The following VAMP7 variants were observed in gnomAD, a reference collection of about 807,000 sequenced individuals.
VAMP7 encodes the protein vesicle associated membrane protein 7, also known as vesicle-associated membrane protein 7.
VAMP7 carries 14 observed loss-of-function variants against 29.6 expected under a neutral mutation model. The ratio of observed to expected loss-of-function variants is 0.47; its 90% CI spans 0.31 to 0.74. The LOEUF (loss-of-function observed/expected upper bound fraction) is 0.74, where lower values mean the gene tolerates loss of function less well. VAMP7 is among the 30% of genes least tolerant of loss of function. The probability of loss-of-function intolerance (pLI) is 0.05; values close to 1 mark genes in which losing one functional copy is unlikely to be tolerated. For synonymous variants in VAMP7, 95 were observed against 88.1 expected, an observed-to-expected ratio of 1.08 and a Z score of -0.44; for missense variants, 223 against 262.4, an observed-to-expected ratio of 0.85 and a Z score of 1.04.
intron 2 of VAMP7, among the ~76,000 whole-genome samples, chrX:155,890,350 T>TTTTATTTATTTA (rs753165878): frequency 6.6e-6 from 1 of 151,198 alleles, no homozygotes; most frequent in Admixed American, 6.6e-5. Flanking sequence ...GTCAGGTTTG[T>TTTTATTTATTTA]TTTATTTATT....
intron 6 of VAMP7, among the ~76,000 whole-genome samples, chrX:155,931,075 G>A (rs1239554906): frequency 6.6e-6 from 1 of 152,138 alleles, no homozygotes; most frequent in Non-Finnish European, 1.5e-5. Context: ...ATTTCATAGT[G>A]TATACGTGCC....
intron 5 of VAMP7, among the ~76,000 whole-genome samples, chrX:155,909,914 A>G (rs1034995354): frequency 3.9e-5 from 6 of 152,354 alleles, no homozygotes; most frequent in East Asian, 1.9e-4. Context: ...TGGGGTGTCC[A>G]TCAGCTCAAG....
At chrX:155,903,429 TAGG>T (rs1409210651) in intron 5 of VAMP7, among the ~76,000 whole-genome samples, 2 of 151,938 alleles carry the variant, frequency 1.3e-5, no homozygotes, top group African/African-American at 2.4e-5. Flanking sequence ...ACCTACAAAA[TAGG>T]AGAAAATTTT....
intron 6 of VAMP7, among the ~76,000 whole-genome samples, chrX:155,930,443 G>A (rs145747629): frequency 6.7e-6 from 1 of 150,368 alleles, no homozygotes; most frequent in Non-Finnish European, 1.5e-5. Flanking sequence ...AGAAGTTCAA[G>A]ACCAGCCTAG....
At chrX:155,882,882 A>G (rs1372929841) in intron 1 of VAMP7, among the ~76,000 whole-genome samples, 2 of 152,202 alleles carry the variant, frequency 1.3e-5, no homozygotes, top group Non-Finnish European at 2.9e-5. Context: ...CTCTCTTCCA[A>G]GGAGAAATAA....
At chrX:155,917,886 G>A (rs1369034369) in intron 5 of VAMP7, among the ~76,000 whole-genome samples, 1 of 152,170 alleles carries the variant, frequency 6.6e-6, no homozygotes, top group African/African-American at 2.4e-5. Context: ...GAACGTTTAA[G>A]TCTGCTGAAA....
chrX:155,921,309 A>T (rs867771530), intron 6 of VAMP7, among the ~76,000 whole-genome samples: 20 of 151,824 alleles, frequency 1.3e-4, no homozygotes, highest in East Asian at 1.9e-4. Flanking sequence ...TAGCTCAATT[A>T]TTTTTTATAT....
chrX:155,909,480 G>A (rs1346709319), intron 5 of VAMP7, among the ~76,000 whole-genome samples: 6 of 151,532 alleles, frequency 4.0e-5, no homozygotes, highest in Non-Finnish European at 7.4e-5. Context: ...TATTTAATTT[G>A]TTCACCCTAA....
At chrX:155,904,620 TA>T (rs2066121241) in intron 5 of VAMP7, among the ~76,000 whole-genome samples, 1 of 151,960 alleles carries the variant, frequency 6.6e-6, no homozygotes, top group Admixed American at 6.6e-5. Context: ...AAGCAACAAT[TA>T]ATTCCCTTTT....
At chrX:155,940,717 T>G (rs1046505003) in intron 7 of VAMP7, among the ~76,000 whole-genome samples, 1 of 152,202 alleles carries the variant, frequency 6.6e-6, no homozygotes, top group Non-Finnish European at 1.5e-5. Context: ...AAAATCCTTA[T>G]ATTACAGCTG....
Position 155,941,937 on chromosome X carries a change from T to C in VAMP7, c.649T>C (p.Cys217Arg). Reference sequence around the variant, plus strand: ...CTGTGGTGGATTTACATGGCCAAGCTGTGTGAAGAAATAGGAAAGAAGAAG... The same window carrying C: ...CTGTGGTGGATTTACATGGCCAAGCCGTGTGAAGAAATAGGAAAGAAGAAG... ...PLCGGFTWPS[C>R]VKK Residue 217 changes from cysteine to arginine, a missense_variant, in exon 8 of 8, where the codon TGT (cysteine) becomes CGT (arginine). Cys to Arg is a radical substitution (Grantham distance 180). Coordinates refer to ENST00000286448, the MANE Select transcript of VAMP7 (RefSeq NM_005638.6). The C allele has an allele frequency of 6.2e-7, 1 of 1,613,808 alleles. No homozygotes were observed. The highest frequency in any genetic ancestry group is 8.5e-7 in the Non-Finnish European group (1 of 1,179,820).
intron 1 of VAMP7, among the ~76,000 whole-genome samples, chrX:155,882,546 ATTC>A (rs2065815340): frequency 6.6e-6 from 1 of 152,118 alleles, no homozygotes; most frequent in African/African-American, 2.4e-5. Context: ...TTTATTCTTC[ATTC>A]TTCTATCTCC....
intron 5 of VAMP7, among the ~76,000 whole-genome samples, chrX:155,903,816 G>A (rs201839291): frequency 6.6e-6 from 1 of 152,064 alleles, no homozygotes; most frequent in Non-Finnish European, 1.5e-5. Context: ...CAGGGATCTA[G>A]AACTAGAAAT....
chrX:155,941,680 G>C (rs73237005), intron 7 of VAMP7, among the ~76,000 whole-genome samples: 4 of 152,206 alleles, frequency 2.6e-5, no homozygotes, highest in Admixed American at 2.0e-4. Flanking sequence ...TAGAGTTCAA[G>C]TGGGTGTGAG....
rs367681106 is a variant in VAMP7 at position 155,893,399 on chromosome X, GAGTA to G, written c.147-2216_147-2213del. Among the ~76,000 whole-genome samples the G allele has an allele frequency of 5.2e-3, 794 of 152,278 alleles. 6 individuals are homozygous for G. Among genetic ancestry groups the G allele is most frequent in the African/African-American group, 0.018 (755 of 41,556 alleles). On this transcript the variant is annotated intron_variant, in intron 2 of 7. Coordinates refer to ENST00000286448, the MANE Select transcript of VAMP7 (RefSeq NM_005638.6). ...ATGAGAGTGCATGCTGCCCTCCAGG[GAGTA>G]AGTAAGTGTGAAAAAAGCAGGAGGC...
chrX:155,898,643 G>A (rs1455759456), intron 4 of VAMP7, among the ~76,000 whole-genome samples: 1 of 151,988 alleles, frequency 6.6e-6, no homozygotes, highest in Non-Finnish European at 1.5e-5. Context: ...CTCCTCATCT[G>A]TATGAATCCC....
At chrX:155,904,369 A>AT (rs1569439942) in intron 5 of VAMP7, among the ~76,000 whole-genome samples, 16 of 79,518 alleles carry the variant, frequency 2.0e-4, no homozygotes, top group South Asian at 7.4e-4. Context: ...ATAAAATAAA[A>AT]TAAAAAAAGC....
At chrX:155,888,481 T>C (rs1035936386) in intron 1 of VAMP7, among the ~76,000 whole-genome samples, 4 of 152,190 alleles carry the variant, frequency 2.6e-5, no homozygotes, top group Admixed American at 1.3e-4. Context: ...GTACTGAGCA[T>C]GTTAACAAAT....
At chrX:155,918,574 C>G (rs959179502) in intron 5 of VAMP7, among the ~76,000 whole-genome samples, 1 of 152,120 alleles carries the variant, frequency 6.6e-6, no homozygotes, top group African/African-American at 2.4e-5. Context: ...GTTCCCCGAC[C>G]CCTTGTGCTT....
Sources: allele counts gnomAD v4.1 joint callset (sites outside exome capture counted in the v4.1 genomes callset), GRCh38; gene constraint gnomAD v4.1.1; transcripts MANE v1.5; gene names NCBI Gene and HGNC (gene_info 2026-07-23, HGNC 2026-07-21).